Variants in TRIP12 observed in about 807,000 individuals in gnomAD.
TRIP12 encodes the protein E3 ubiquitin-protein ligase TRIP12.
TRIP12 carries 25 observed loss-of-function variants against 244.2 expected under a neutral mutation model. The ratio of observed to expected loss-of-function variants is 0.10; its 90% CI spans 0.07 to 0.14. The LOEUF (loss-of-function observed/expected upper bound fraction) is 0.14, where lower values mean the gene tolerates loss of function less well. Among genes scored for constraint, TRIP12 ranks in the 10% least tolerant of loss-of-function variants. The probability of loss-of-function intolerance (pLI) is 1.00; values close to 1 mark genes in which losing one functional copy is unlikely to be tolerated. For missense variants in TRIP12, 1,677 were observed against 2,486.4 expected (o/e 0.67, Z 6.92); for synonymous variants, 905 against 873.1 (o/e 1.04, Z -0.64).
At chr2:229,807,544 C>A in intron 17 of TRIP12, 164 bp downstream of exon 17, 1 of 845,456 alleles carries the variant, frequency 1.2e-6, no homozygotes. Context: ...AGTTTTCTGA[C>A]CTGAACAGAA....
intron 18 of TRIP12, among the ~76,000 whole-genome samples, chr2:229,804,450 C>T (rs1048574617): frequency 6.6e-6 from 1 of 152,064 alleles, no homozygotes; most frequent in African/African-American, 2.4e-5. Flanking sequence ...AACTAGTGAC[C>T]CATTGGGGCC....
chr2:229,790,010 T>TC (rs1386544661), intron 30 of TRIP12, among the ~76,000 whole-genome samples: 1 of 152,212 alleles, frequency 6.6e-6, no homozygotes, highest in Non-Finnish European at 1.5e-5. Flanking sequence ...GAAAGCTGAC[T>TC]CCTCCACATT....
chr2:229,874,698 C>T (rs188429253), intron 2 of TRIP12, among the ~76,000 whole-genome samples: 4 of 151,982 alleles, frequency 2.6e-5, no homozygotes, highest in Admixed American at 6.6e-5. Flanking sequence ...AGAAGCTACA[C>T]GTATAGAAAA....
At position 229,836,955 on chromosome 2, in the gene TRIP12, C is replaced by T. The variant is rs1252311113; in HGVS notation, c.1163G>A (p.Gly388Glu). Residue 388 changes from glycine to glutamate, a missense_variant, in exon 6 of 42, where the codon GGA (glycine) becomes GAA (glutamate). Coordinates refer to ENST00000675903, the MANE Select transcript of TRIP12 (RefSeq NM_001348323.3). ...SRRGSGLGKRGAAEARRQEKM... is the reference protein window; with the variant it reads ...SRRGSGLGKREAAEARRQEKM... Reference sequence around the variant, plus strand: ...CTCCTGTCGACGAGCTTCAGCTGCTCCTCTTTTGCCCAGGCCAGAGCCTCG... The same window carrying T: ...CTCCTGTCGACGAGCTTCAGCTGCTTCTCTTTTGCCCAGGCCAGAGCCTCG... 6.3e-7 allele frequency: 1 copy of T among 1,587,340 alleles called. No homozygotes were observed. The highest frequency in any genetic ancestry group is 1.9e-5 in the Admixed American group (1 of 53,766).
rs903046090 is a variant in TRIP12 at position 229,764,121 on chromosome 2, A to G, written c.*3433T>C. On this transcript the variant is annotated 3_prime_UTR_variant, in exon 42 of 42. Transcript: ENST00000675903. Reference sequence around the variant, plus strand: ...TTTAGCATTAAGAACTTTTCCTTGCATAAGAATTGTTAACTTGAAGTTCTT... The same window carrying G: ...TTTAGCATTAAGAACTTTTCCTTGCGTAAGAATTGTTAACTTGAAGTTCTT... 2.6e-5 allele frequency: 4 copies of G among 152,256 alleles called. No homozygotes were observed. The highest frequency in any genetic ancestry group is 4.8e-5 in the African/African-American group (2 of 41,472). 9.4% of individuals were successfully genotyped at this position (152,256 alleles called of 1,614,324 possible).
intron 37 of TRIP12, among the ~76,000 whole-genome samples, chr2:229,775,808 G>C (rs2036061952): frequency 6.6e-6 from 1 of 151,678 alleles, no homozygotes; most frequent in South Asian, 2.1e-4. Context: ...TAAAGAAACA[G>C]GATGTGGTTT....
chr2:229,808,417 C>T (rs745973998), intron 15 of TRIP12, 48 bp from the exon 16 acceptor site: 2 of 1,251,618 alleles, frequency 1.6e-6, no homozygotes, highest in South Asian at 1.2e-5. Flanking sequence ...ACTAGTTATA[C>T]TACCTCATTC....
At chr2:229,909,337 C>T (rs999637897) in intron 1 of TRIP12, among the ~76,000 whole-genome samples, 5 of 151,506 alleles carry the variant, frequency 3.3e-5, no homozygotes, top group African/African-American at 4.9e-5. Flanking sequence ...CTTGAGCCTA[C>T]GAGTTTGAGA....
At chr2:229,826,143 A>G (rs2051513781) in intron 8 of TRIP12, among the ~76,000 whole-genome samples, 1 of 152,222 alleles carries the variant, frequency 6.6e-6, no homozygotes, top group Non-Finnish European at 1.5e-5. Context: ...TCCTTTATAT[A>G]TTTCTACTAA....
chr2:229,803,584 G>A lies in TRIP12; in HGVS notation c.2985C>T (p.Tyr995=). The A allele has an allele frequency of 6.2e-7, 1 of 1,604,930 alleles. No individual in the cohort carries two copies. The highest frequency in any genetic ancestry group is 8.5e-7 in the Non-Finnish European group (1 of 1,172,886). ...ATATGACATTACCTTCTCTTCTGAA[G>A]TAAACACTAAAAATATCAGGTAACT... ...MQKLPDIFSV[Y]FRREGVMHQV... is the part of the protein sequence containing the mutation. The change falls in exon 20 of 42, where the codon TAC becomes TAT. Residue 995 remains tyrosine, a synonymous_variant. Transcript: ENST00000675903.
chr2:229,890,237 A>C lies in TRIP12; in HGVS notation c.-49-10109T>G, dbSNP rs566554985. ...TGGGACTACAGGCACGCACCACCAC[A>C]CCCAGCTAATTTTTGTATTTTTAGT... On this transcript the variant is annotated intron_variant, in intron 1 of 41. Coordinates refer to ENST00000675903, the MANE Select transcript of TRIP12 (RefSeq NM_001348323.3). Among the ~76,000 whole-genome samples, 6 of 151,882 alleles carry C rather than the reference A, an allele frequency of 4.0e-5. No homozygotes were observed. The East Asian group carries it at 9.7e-4, about 25-fold the overall frequency.
At chr2:229,784,451 T>C (rs1031039564) in intron 34 of TRIP12, among the ~76,000 whole-genome samples, 1 of 140,576 alleles carries the variant, frequency 7.1e-6, no homozygotes, top group Non-Finnish European at 1.6e-5. Flanking sequence ...AAAACAAATA[T>C]AAGAAAAATC....
chr2:229,848,159 G>GA (rs2057955265), intron 4 of TRIP12, among the ~76,000 whole-genome samples: 1 of 152,074 alleles, frequency 6.6e-6, no homozygotes, highest in Non-Finnish European at 1.5e-5. Context: ...ACTAAACAAT[G>GA]AATCTCGGTC....
chr2:229,889,922 T>G (rs1466286394), intron 1 of TRIP12, among the ~76,000 whole-genome samples: 2 of 152,176 alleles, frequency 1.3e-5, no homozygotes, highest in Non-Finnish European at 2.9e-5. Flanking sequence ...TACAGCAAAG[T>G]GCTCCCTATG....
chr2:229,786,663 C>T lies in TRIP12; in HGVS notation c.4996-808G>A, dbSNP rs570361695. ...CGATCTCCTGACCTCATGATCCGCC[C>T]GCCTCGGCCTCCCAAAGTGCTGGGA... On this transcript the variant is annotated intron_variant, in intron 33 of 41. Coordinates refer to ENST00000675903, the MANE Select transcript of TRIP12 (RefSeq NM_001348323.3). 6.7e-5 allele frequency among the ~76,000 whole-genome samples: 10 copies of T among 150,154 alleles called. 1 individual carries two copies. The South Asian group carries it at 1.7e-3, about 25-fold the overall frequency.
intron 2 of TRIP12, among the ~76,000 whole-genome samples, chr2:229,878,960 T>C (rs1159857063): frequency 1.3e-5 from 2 of 151,998 alleles, no homozygotes; most frequent in African/African-American, 2.4e-5. Flanking sequence ...ATAATCCTAT[T>C]AGAATTCAGC....
rs191433326 is a variant in TRIP12 at position 229,913,138 on chromosome 2, C to T, written c.-50+8742G>A. 5.9e-5 allele frequency among the ~76,000 whole-genome samples: 9 copies of T among 152,306 alleles called. No individual in the cohort carries two copies. The East Asian group carries it at 1.5e-3, about 26-fold the overall frequency. On this transcript the variant is annotated intron_variant, in intron 1 of 41. Transcript: ENST00000675903. ...GGGTTGGAATTACAGGCATGAGCCA[C>T]AGCACCTGGCTGAATATTTGTAAAT...
At chr2:229,864,047 A>AGAGAGAGAGTGTGTGT in intron 2 of TRIP12, among the ~76,000 whole-genome samples, 24 of 79,320 alleles carry the variant, frequency 3.0e-4, no homozygotes, top group Non-Finnish European at 2.5e-4. Context: ...AGAGAGAGAG[A>AGAGAGAGAGTGTGTGT]GTGTGTGTGT....
chr2:229,893,402 G>A (rs905895710), intron 1 of TRIP12, among the ~76,000 whole-genome samples: 1 of 151,886 alleles, frequency 6.6e-6, no homozygotes, highest in Non-Finnish European at 1.5e-5. Flanking sequence ...TCCTTACCAG[G>A]ATATACAGTC....
Sources: allele counts gnomAD v4.1 joint callset (sites outside exome capture counted in the v4.1 genomes callset), GRCh38; gene constraint gnomAD v4.1.1; transcripts MANE v1.5; gene names NCBI Gene and HGNC (gene_info 2026-07-23, HGNC 2026-07-21).